The following ADCY10 variants were observed in gnomAD, a reference collection of about 807,000 sequenced individuals.
ADCY10 encodes adenylate cyclase type 10.
A neutral mutation model predicts 183.3 loss-of-function variants in ADCY10; 156 were observed. The ratio of observed to expected loss-of-function variants is 0.85; its 90% confidence interval spans 0.75 to 0.97. The LOEUF is 0.97. Ranked by LOEUF, ADCY10 falls within the 50% of genes least tolerant of loss-of-function variation. The probability of loss-of-function intolerance (pLI) is 0.00; values close to 1 mark genes in which losing one functional copy is unlikely to be tolerated. For synonymous variants in ADCY10, 645 were observed against 670.0 expected, an observed-to-expected ratio of 0.96 and a Z score of 0.58; for missense variants, 1,745 against 1,934.3, an observed-to-expected ratio of 0.90 and a Z score of 1.84.
In ADCY10 at chr1:167,899,594, A is replaced by C. The variant is rs1557830212; in HGVS notation, c.471T>G (p.Phe157Leu). The C allele has an allele frequency of 6.2e-7, 1 of 1,614,174 alleles. No homozygotes were observed. The highest frequency in any genetic ancestry group is 8.5e-7 in the Non-Finnish European group (1 of 1,180,048). ...GAAAGTGGCTGTGTGTTTCATCTCC[A>C]AAGACCAACATGCTGATGTGGCCAG... Reference protein sequence around the residue: ...LAAGHISMLVFGDETHSHFLV... With the variant: ...LAAGHISMLVLGDETHSHFLV... The change falls in exon 6 of 33, where the codon TTT becomes TTG. Residue 157 changes from phenylalanine (F) to leucine (L), a missense_variant. Physicochemically the swap from Phe to Leu is conservative, Grantham distance 22 (BLOSUM62 0). Transcript: ENST00000367851.
chr1:167,829,553 T>A, intron 25 of ADCY10, 130 bp from the exon 26 acceptor site: 1 of 992,374 alleles, frequency 1.0e-6, no homozygotes, highest in Non-Finnish European at 1.6e-6. Context: ...GAGGCCTGTC[T>A]CCATGACTGA....
chr1:167,886,546 T>C (rs1668237173), intron 8 of ADCY10, among the ~76,000 whole-genome samples: 1 of 152,106 alleles, frequency 6.6e-6, no homozygotes, highest in African/African-American at 2.4e-5. Flanking sequence ...CAAAAATTAA[T>C]TCAAGATGGA....
At chr1:167,878,822 G>C (rs573763245) in intron 11 of ADCY10, among the ~76,000 whole-genome samples, 187 bp from the exon 12 acceptor site, 32 of 152,344 alleles carry the variant, frequency 2.1e-4, no homozygotes, top group African/African-American at 7.5e-4. Context: ...CAGGGAGTTA[G>C]TTAGCCATTA....
At chr1:167,883,749 A>C (rs975986109) in intron 8 of ADCY10, 121 bp from the exon 9 acceptor site, 5 of 865,160 alleles carry the variant, frequency 5.8e-6, no homozygotes, top group South Asian at 1.4e-5. Context: ...GGTGAGGTAC[A>C]ACATGACAGA....
chr1:167,839,411 G>C (rs556479771), intron 21 of ADCY10, among the ~76,000 whole-genome samples: 1 of 152,220 alleles, frequency 6.6e-6, no homozygotes, highest in Non-Finnish European at 1.5e-5. Flanking sequence ...CTCAGCAGCT[G>C]TTTTGGACCA....
At chr1:167,890,337 G>T (rs1308427165) in intron 8 of ADCY10, among the ~76,000 whole-genome samples, 2 of 152,170 alleles carry the variant, frequency 1.3e-5, no homozygotes, top group African/African-American at 2.4e-5. Context: ...TCTTAAATAA[G>T]ATCCAGAAGA....
At chr1:167,841,290 G>A (rs939422608) in intron 21 of ADCY10, among the ~76,000 whole-genome samples, 1 of 151,810 alleles carries the variant, frequency 6.6e-6, no homozygotes, top group Non-Finnish European at 1.5e-5. Context: ...AGAATGGAAG[G>A]GCCACGCTCC....
intron 18 of ADCY10, among the ~76,000 whole-genome samples, chr1:167,852,969 C>T (rs1028247270): frequency 6.6e-6 from 1 of 152,150 alleles, no homozygotes; most frequent in Non-Finnish European, 1.5e-5. Flanking sequence ...ACCCAGGAGG[C>T]AGGGGTTTTT....
At chr1:167,896,001 T>A (rs142795489) in intron 7 of ADCY10, among the ~76,000 whole-genome samples, 1 of 152,210 alleles carries the variant, frequency 6.6e-6, no homozygotes, top group Non-Finnish European at 1.5e-5. Context: ...GAGAAGGTAG[T>A]GTCCAAGAAA....
At chr1:167,882,645 C>T (rs1667949300) in intron 9 of ADCY10, among the ~76,000 whole-genome samples, 1 of 151,988 alleles carries the variant, frequency 6.6e-6, no homozygotes. Flanking sequence ...ACTAAAGACT[C>T]CTGACCTGAA....
chr1:167,886,397 A>T (rs1300264338), intron 8 of ADCY10, among the ~76,000 whole-genome samples: 3 of 152,176 alleles, frequency 2.0e-5, no homozygotes, highest in Non-Finnish European at 4.4e-5. Context: ...AATACCACAC[A>T]TCTACAACCA....
At chr1:167,897,112 T>A (rs962706584) in intron 6 of ADCY10, among the ~76,000 whole-genome samples, 6 of 151,272 alleles carry the variant, frequency 4.0e-5, no homozygotes, top group Non-Finnish European at 7.4e-5. Flanking sequence ...GACATCAAGA[T>A]CATGAGACAC....
chr1:167,902,538 G>T (rs1669508899), intron 3 of ADCY10, among the ~76,000 whole-genome samples: 1 of 152,214 alleles, frequency 6.6e-6, no homozygotes, highest in Admixed American at 6.5e-5. Flanking sequence ...TATTTAGACG[G>T]TATGGCATAA....
At chr1:167,861,301 T>C (rs1274867517) in intron 14 of ADCY10, among the ~76,000 whole-genome samples, 1 of 152,186 alleles carries the variant, frequency 6.6e-6, no homozygotes, top group Non-Finnish European at 1.5e-5. Context: ...TGCCACCCTA[T>C]ACTACCACAA....
At chr1:167,886,740 C>A (rs536891857) in intron 8 of ADCY10, among the ~76,000 whole-genome samples, 7 of 152,070 alleles carry the variant, frequency 4.6e-5, no homozygotes, top group Non-Finnish European at 8.8e-5. Context: ...CAAAAGAAAT[C>A]ATCAGAGTGA....
chr1:167,893,482 G>A (rs904120534), intron 8 of ADCY10, among the ~76,000 whole-genome samples: 3 of 152,038 alleles, frequency 2.0e-5, no homozygotes, highest in Non-Finnish European at 4.4e-5. Flanking sequence ...GGAGGGTGAG[G>A]CGGGCAGATT....
chr1:167,899,553 G>C lies in ADCY10; in HGVS notation c.512C>G (p.Ala171Gly). 1 of 1,614,184 alleles carries C rather than the reference G, an allele frequency of 6.2e-7. No individual in the cohort carries two copies. The highest frequency in any genetic ancestry group is 1.7e-4 in the Middle Eastern group (1 of 6,058). ...CTGGGCAAGGCGCACATCGTCCACT[G>C]CCTGACCAATCACCAGAAAGTGGCT... ...THSHFLVIGQAVDDVRLAQNM... is the reference protein window; with the variant it reads ...THSHFLVIGQGVDDVRLAQNM... Residue 171 changes from alanine (A) to glycine (G), a missense_variant, in exon 6 of 33, where the codon GCA becomes GGA. Transcript: ENST00000367851.
chr1:167,824,621 C>T, intron 27 of ADCY10, 30 bp downstream of exon 27: 1 of 1,613,884 alleles, frequency 6.2e-7, no homozygotes, highest in Non-Finnish European at 8.5e-7. Flanking sequence ...CTTGTATCCT[C>T]ATGTCCCATC....
intron 26 of ADCY10, among the ~76,000 whole-genome samples, chr1:167,827,443 G>A (rs990039874): frequency 1.3e-5 from 2 of 151,446 alleles, no homozygotes; most frequent in Admixed American, 6.6e-5. Context: ...TAGGATTACA[G>A]GCATAAGCCA....
Sources: gnomAD v4.1 joint callset for allele counts (sites outside exome capture counted in the v4.1 genomes callset) on GRCh38, gnomAD v4.1.1 for gene constraint, MANE v1.5 for transcripts, NCBI Gene and HGNC (gene_info 2026-07-23, HGNC 2026-07-21) for gene names.